The following FLT1 variants were observed in gnomAD, a reference collection of about 807,000 sequenced individuals.
The protein encoded by FLT1 is fms related receptor tyrosine kinase 1.
Under a neutral mutation model 156.3 loss-of-function variants are expected in FLT1, and 49 were observed. The ratio of observed to expected loss-of-function variants is 0.31; its 90% confidence interval spans 0.25 to 0.40. FLT1 has a LOEUF of 0.40. Ranked by LOEUF, FLT1 falls within the 10% of genes least tolerant of loss-of-function variation. The probability of loss-of-function intolerance (pLI) is 1.00; values close to 1 mark genes in which losing one functional copy is unlikely to be tolerated. For synonymous variants in FLT1, 594 were observed against 583.8 expected, an observed-to-expected ratio of 1.02 and a Z score of -0.25; for missense variants, 1,322 against 1,637.2, an observed-to-expected ratio of 0.81 and a Z score of 3.32.
chr13:28,470,983 G>A (rs117863226), intron 1 of FLT1, among the ~76,000 whole-genome samples: 9,748 of 152,164 alleles, frequency 0.064, 452 homozygotes, highest in Admixed American at 0.12. Context: ...GAGCCACCGC[G>A]CCGCGCAAGA....
chr13:28,476,910 C>T (rs572583184), intron 1 of FLT1, among the ~76,000 whole-genome samples: 214 of 147,246 alleles, frequency 1.5e-3, no homozygotes, highest in Non-Finnish European at 2.6e-3. Context: ...GGTTTTGTAG[C>T]TCTTGGCACA....
chr13:28,324,794 C>T (rs1194220766), intron 20 of FLT1, among the ~76,000 whole-genome samples: 1 of 152,188 alleles, frequency 6.6e-6, no homozygotes, highest in African/African-American at 2.4e-5. Context: ...CCCCACGGCA[C>T]CCAAAAGTCA....
intron 3 of FLT1, among the ~76,000 whole-genome samples, chr13:28,453,097 CTTT>C (rs1879064805): frequency 1.6e-5 from 1 of 62,358 alleles, no homozygotes; most frequent in Non-Finnish European, 2.8e-5. Context: ...CTTTCCTTTC[CTTT>C]CCTTTCCTTT....
At position 28,372,566 on chromosome 13, in the gene FLT1, G is replaced by GCATATATATATATATATATATA. The variant is rs1279204338; in HGVS notation, c.2116+12318_2116+12319insTATATATATATATATATATATG. On this transcript the variant is annotated intron_variant, in intron 14 of 29. Transcript: ENST00000282397. The stretch of plus-strand genomic sequence containing the variant: ...CATATATTCCTCGTTTAAATAAAAT[G>GCATATATATATATATATATATA]TATATATATATATATATATATATAT... Among the ~76,000 whole-genome samples the GCATATATATATATATATATATA allele has an allele frequency of 7.7e-5, 7 of 91,474 alleles. 1 individual carries two copies. The highest frequency in any genetic ancestry group is 1.3e-4 in the Non-Finnish European group (6 of 45,020). 60.0% of individuals were successfully genotyped at this position (91,474 alleles called of 152,430 possible).
At position 28,390,154 on chromosome 13, in the gene FLT1, T is replaced by A; in HGVS notation, c.1661-50A>T. 1.9e-6 allele frequency: 3 copies of A among 1,595,582 alleles called. No individual in the cohort carries two copies. The South Asian group carries it at 3.3e-5, about 18-fold the overall frequency. On this transcript the variant is annotated intron_variant, in intron 12 of 29. Coordinates refer to ENST00000282397, the MANE Select transcript of FLT1 (RefSeq NM_002019.4). ...CAGTTCACAGAAAAATCAGTGTCTT[T>A]TAATGAGATATTCAAAGATCTTAAG...
intron 10 of FLT1, among the ~76,000 whole-genome samples, chr13:28,406,836 T>G (rs1231874655): frequency 1.3e-5 from 2 of 152,132 alleles, no homozygotes; most frequent in Admixed American, 1.3e-4. Flanking sequence ...TGGTTCATCT[T>G]TAGCAGCCAA....
intron 14 of FLT1, among the ~76,000 whole-genome samples, chr13:28,360,285 CA>C (rs1346873038): frequency 6.6e-6 from 1 of 152,152 alleles, no homozygotes; most frequent in Non-Finnish European, 1.5e-5. Flanking sequence ...TGGAGCCTCT[CA>C]AACAACTAAA....
At chr13:28,448,574 A>C (rs34867831) in intron 3 of FLT1, among the ~76,000 whole-genome samples, 23,989 of 152,142 alleles carry the variant, frequency 0.16, 2,147 homozygotes, top group Admixed American at 0.24. Context: ...TGGGAACAGA[A>C]AGTAGATAAG....
intron 6 of FLT1, 61 bp downstream of exon 6, chr13:28,433,758 G>A: frequency 6.6e-7 from 1 of 1,509,764 alleles, no homozygotes; most frequent in East Asian, 2.3e-5. Flanking sequence ...CAAAACCCCT[G>A]CGGGATTTCA....
At chr13:28,318,031 T>G (rs958337679) in intron 24 of FLT1, among the ~76,000 whole-genome samples, 1 of 152,036 alleles carries the variant, frequency 6.6e-6, no homozygotes, top group African/African-American at 2.4e-5. Flanking sequence ...TGATCTTAGC[T>G]CACTGCAGCC....
chr13:28,317,966 T>C (rs906673927), intron 24 of FLT1, among the ~76,000 whole-genome samples: 2 of 77,040 alleles, frequency 2.6e-5, no homozygotes, highest in African/African-American at 5.9e-5. Context: ...AGTGAGCTTT[T>C]GTTTTTTTTG....
chr13:28,321,205 T>C (rs1001465529), intron 23 of FLT1, among the ~76,000 whole-genome samples: 2 of 152,158 alleles, frequency 1.3e-5, no homozygotes, highest in African/African-American at 2.4e-5. Context: ...ACTTCTCAGG[T>C]TAGCAAGTCT....
chr13:28,319,855 CT>C (rs2138827567), intron 23 of FLT1, among the ~76,000 whole-genome samples: 1 of 152,262 alleles, frequency 6.6e-6, no homozygotes, highest in Non-Finnish European at 1.5e-5. Context: ...ACACTCAGGG[CT>C]TGGAAAAGGA....
intron 12 of FLT1, 75 bp from the exon 13 acceptor site, chr13:28,390,179 G>C: frequency 6.3e-7 from 1 of 1,577,068 alleles, no homozygotes; most frequent in Non-Finnish European, 8.6e-7. Flanking sequence ...AAGATCTTAA[G>C]AATTGTTCGT....
intron 14 of FLT1, among the ~76,000 whole-genome samples, chr13:28,378,491 T>TA (rs1873941414): frequency 6.6e-6 from 1 of 152,262 alleles, no homozygotes; most frequent in Admixed American, 6.5e-5. Flanking sequence ...TGCTCAATGC[T>TA]AAATGCCCAT....
intron 1 of FLT1, 45 bp from the exon 2 acceptor site, chr13:28,467,662 T>C (rs1258400767): frequency 9.5e-7 from 1 of 1,057,808 alleles, no homozygotes; most frequent in Admixed American, 2.1e-5. Context: ...AATTGTCTTC[T>C]TACCTTTTTT....
intron 29 of FLT1, among the ~76,000 whole-genome samples, chr13:28,304,744 G>C (rs1870668376): frequency 1.3e-5 from 2 of 152,056 alleles, no homozygotes; most frequent in African/African-American, 4.8e-5. Context: ...TCTGTCTCTA[G>C]ATTTACCAAT....
intron 1 of FLT1, among the ~76,000 whole-genome samples, chr13:28,479,243 C>G (rs941261092): frequency 2.0e-5 from 3 of 152,172 alleles, no homozygotes; most frequent in Non-Finnish European, 2.9e-5. Context: ...TTGAAAGCTA[C>G]ATTAGCAAAT....
At chr13:28,333,211 G>T (rs536371437) in intron 18 of FLT1, among the ~76,000 whole-genome samples, 3 of 152,334 alleles carry the variant, frequency 2.0e-5, no homozygotes, top group Admixed American at 2.0e-4. Context: ...TGGACTCACA[G>T]CTTGCTGGGC....
Sources: allele counts gnomAD v4.1 joint callset (sites outside exome capture counted in the v4.1 genomes callset), GRCh38; gene constraint gnomAD v4.1.1; transcripts MANE v1.5; gene names NCBI Gene and HGNC (gene_info 2026-07-23, HGNC 2026-07-21).